ZFPM2: variants seen among roughly 807,000 people sequenced by gnomAD.
ZFPM2 encodes the protein zinc finger protein, FOG family member 2, also known as zinc finger protein ZFPM2.
ZFPM2 carries 20 observed loss-of-function variants against 98.6 expected under a neutral mutation model. That is an observed-to-expected ratio of 0.20 (90% confidence interval 0.14 to 0.29). The LOEUF (loss-of-function observed/expected upper bound fraction) is 0.29, where lower values mean the gene tolerates loss of function less well. ZFPM2 is among the 10% of genes least tolerant of loss of function. The probability of loss-of-function intolerance (pLI) is 1.00; values close to 1 mark genes in which losing one functional copy is unlikely to be tolerated. For missense variants in ZFPM2, 1,310 were observed against 1,388.6 expected (o/e 0.94, Z 0.90); for synonymous variants, 518 against 502.7 (o/e 1.03, Z -0.41).
chr8:105,411,272 G>T (rs1248671514), intron 1 of ZFPM2, among the ~76,000 whole-genome samples: 1 of 151,820 alleles, frequency 6.6e-6, no homozygotes, highest in African/African-American at 2.4e-5. Flanking sequence ...TAAGAAAAAT[G>T]CATGGGTAGC....
intron 1 of ZFPM2, among the ~76,000 whole-genome samples, chr8:105,380,513 A>G (rs1319984808): frequency 2.1e-5 from 3 of 142,322 alleles, no homozygotes; most frequent in Non-Finnish European, 4.5e-5. Context: ...AAATGATACT[A>G]CTACATATGC....
chr8:105,330,636 A>ACG (rs1356175296), intron 1 of ZFPM2, among the ~76,000 whole-genome samples: 2 of 99,638 alleles, frequency 2.0e-5, no homozygotes, highest in African/African-American at 8.0e-5. Context: ...ATATATACAT[A>ACG]TATATATATA....
At chr8:105,417,724 A>G (rs150734968) in intron 1 of ZFPM2, among the ~76,000 whole-genome samples, 1 of 152,322 alleles carries the variant, frequency 6.6e-6, no homozygotes, top group East Asian at 1.9e-4. Flanking sequence ...CTAATATGAG[A>G]TGCATGACTT....
At chr8:105,713,854 C>A (rs1331141355) in intron 5 of ZFPM2, among the ~76,000 whole-genome samples, 3 of 152,048 alleles carry the variant, frequency 2.0e-5, no homozygotes, top group Non-Finnish European at 2.9e-5. Flanking sequence ...GTTTTGGTTA[C>A]TGTAGCTTTA....
chr8:105,643,894 A>G (rs1816992456), intron 5 of ZFPM2, among the ~76,000 whole-genome samples: 1 of 152,210 alleles, frequency 6.6e-6, no homozygotes, highest in African/African-American at 2.4e-5. Flanking sequence ...TGCAGAGCCA[A>G]ATCTGACCCA....
chr8:105,742,207 T>C (rs1179874773), intron 5 of ZFPM2, among the ~76,000 whole-genome samples: 3 of 151,346 alleles, frequency 2.0e-5, no homozygotes, highest in South Asian at 2.1e-4. Context: ...AGTGAGACTC[T>C]CCACAAAACA....
At chr8:105,671,050 T>C (rs1817584593) in intron 5 of ZFPM2, among the ~76,000 whole-genome samples, 1 of 152,172 alleles carries the variant, frequency 6.6e-6, no homozygotes, top group African/African-American at 2.4e-5. Context: ...AATGCTATGC[T>C]AAGTGTTTTT....
chr8:105,630,561 C>T (rs1036317396), intron 4 of ZFPM2, among the ~76,000 whole-genome samples: 35 of 151,910 alleles, frequency 2.3e-4, no homozygotes, highest in African/African-American at 7.2e-4. Context: ...AAATTGTTTT[C>T]TCAATTTTTT....
chr8:105,467,429 C>T (rs938844866), intron 3 of ZFPM2, among the ~76,000 whole-genome samples: 1 of 151,988 alleles, frequency 6.6e-6, no homozygotes, highest in African/African-American at 2.4e-5. Flanking sequence ...TTTTGTTATC[C>T]TAGTCACGAC....
At chr8:105,354,751 G>C (rs1229123646) in intron 1 of ZFPM2, among the ~76,000 whole-genome samples, 1 of 152,086 alleles carries the variant, frequency 6.6e-6, no homozygotes, top group South Asian at 2.1e-4. Flanking sequence ...TCAGGAGATC[G>C]AGACCATCTT....
intron 1 of ZFPM2, among the ~76,000 whole-genome samples, chr8:105,322,395 C>T (rs559939489): frequency 2.8e-4 from 42 of 150,280 alleles, no homozygotes; most frequent in African/African-American, 9.7e-4. Context: ...TATATGTCCC[C>T]AACTCCAGTC....
chr8:105,467,184 C>T (rs1047462790), intron 3 of ZFPM2, among the ~76,000 whole-genome samples: 1 of 152,020 alleles, frequency 6.6e-6, no homozygotes, highest in African/African-American at 2.4e-5. Flanking sequence ...GAACTCTGAC[C>T]TTGAGCCCCA....
At chr8:105,794,643 T>G (rs1813733918) in intron 6 of ZFPM2, among the ~76,000 whole-genome samples, 1 of 152,198 alleles carries the variant, frequency 6.6e-6, no homozygotes, top group African/African-American at 2.4e-5. Flanking sequence ...TCTGCAGAGG[T>G]TACTGCTGTC....
At chr8:105,659,806 G>A (rs1229677227) in intron 5 of ZFPM2, among the ~76,000 whole-genome samples, 3 of 152,096 alleles carry the variant, frequency 2.0e-5, no homozygotes, top group Non-Finnish European at 1.5e-5. Flanking sequence ...ACATGAGTTT[G>A]CAATTAAAGT....
intron 5 of ZFPM2, among the ~76,000 whole-genome samples, chr8:105,720,214 A>T (rs1435981316): frequency 6.6e-6 from 1 of 151,848 alleles, no homozygotes; most frequent in Non-Finnish European, 1.5e-5. Context: ...TTTATTATTC[A>T]TACGATTCTG....
At chr8:105,382,840 GTATTAATGGATAA>G (rs1810913753) in intron 1 of ZFPM2, among the ~76,000 whole-genome samples, 1 of 152,078 alleles carries the variant, frequency 6.6e-6, no homozygotes, top group African/African-American at 2.4e-5. Context: ...TATAAAGGAA[GTATTAATGGATAA>G]TATTTGCACC....
intron 4 of ZFPM2, among the ~76,000 whole-genome samples, chr8:105,627,426 T>A (rs570772636): frequency 1.9e-3 from 289 of 152,180 alleles, no homozygotes; most frequent in Middle Eastern, 3.4e-3. Flanking sequence ...TTCTTTTTTT[T>A]AAAAAAGAAG....
At chr8:105,695,390 T>A (rs1810993969) in intron 5 of ZFPM2, among the ~76,000 whole-genome samples, 1 of 149,852 alleles carries the variant, frequency 6.7e-6, no homozygotes, top group Admixed American at 6.6e-5. Context: ...TTTTTTTTTT[T>A]TTTTTTTTTT....
intron 5 of ZFPM2, among the ~76,000 whole-genome samples, chr8:105,744,498 A>C (rs1363149708): frequency 6.6e-6 from 1 of 152,116 alleles, no homozygotes; most frequent in Non-Finnish European, 1.5e-5. Context: ...GTTACAGTTT[A>C]GTGAGAAAGG....
Sources: gnomAD v4.1 joint callset for allele counts (sites outside exome capture counted in the v4.1 genomes callset) on GRCh38, gnomAD v4.1.1 for gene constraint, MANE v1.5 for transcripts, NCBI Gene and HGNC (gene_info 2026-07-23, HGNC 2026-07-21) for gene names.